The following RNF41 variants were observed in gnomAD, a reference collection of about 807,000 sequenced individuals.
The protein encoded by RNF41 is ring finger protein 41, also known as E3 ubiquitin-protein ligase NRDP1.
Under a neutral mutation model 33.0 loss-of-function variants are expected in RNF41, and 4 were observed. That is an observed-to-expected ratio of 0.12 (90% CI 0.06 to 0.28). The LOEUF (loss-of-function observed/expected upper bound fraction) is 0.28. Ranked by LOEUF, RNF41 falls within the 10% of genes least tolerant of loss-of-function variation. The pLI is 1.00. For synonymous variants in RNF41, 164 were observed against 153.2 expected (o/e 1.07, Z -0.52); for missense variants, 228 against 432.6 (o/e 0.53, Z 4.19).
At chr12:56,212,542 A>C (rs1199712983) in intron 3 of RNF41, among the ~76,000 whole-genome samples, 1 of 152,048 alleles carries the variant, frequency 6.6e-6, no homozygotes, top group East Asian at 1.9e-4. Context: ...AGTGCCAGAA[A>C]ACAGACAAGG....
rs934498604 is a variant in RNF41 at position 56,210,366 on chromosome 12, T to C, written c.293A>G (p.Asn98Ser). The change falls in exon 4 of 7, where the codon AAC (asparagine) becomes AGC (serine). Residue 98 changes from asparagine to serine, a missense_variant. Transcript: ENST00000345093. ...FGCSAVVRLD[N>S]LMSHLSDCEH... ...ACAGTCGCTGAGGTGAGACATGAGG[T>C]TGTCAAGCCGGACAACGGCACTACA... is the stretch of plus-strand genomic sequence containing the variant. 6.2e-7 allele frequency: 1 copy of C among 1,614,014 alleles called. No individual in the cohort carries two copies. Among genetic ancestry groups the C allele is most frequent in the Non-Finnish European group, 8.5e-7 (1 of 1,179,972 alleles).
Position 56,210,499 on chromosome 12 carries a change from G to A in RNF41, c.160C>T (p.Pro54Ser). 6.2e-7 allele frequency: 1 copy of A among 1,614,178 alleles called. No individual in the cohort carries two copies. Among genetic ancestry groups the A allele is most frequent in the Non-Finnish European group, 8.5e-7 (1 of 1,180,032 alleles). The part of the protein sequence containing the change: ...TQWFSQQQTC[P>S]VDRSVVTVAH... ...ACCGTCACAACACTACGGTCCACTG[G>A]ACATGTCTGTTGCTGAGAGAACCAC... Residue 54 changes from proline (P) to serine (S), a missense_variant, in exon 4 of 7, where the codon CCA becomes TCA. Transcript: ENST00000345093.
intron 1 of RNF41, among the ~76,000 whole-genome samples, chr12:56,216,892 G>A (rs1868931224): frequency 6.6e-6 from 1 of 152,208 alleles, no homozygotes. Flanking sequence ...TGTAATCCCA[G>A]CTCTTAGGGA....
Position 56,204,365 on chromosome 12 carries a change from C to A in RNF41, c.*2082G>T, listed in dbSNP as rs574186001. On this transcript the variant is annotated 3_prime_UTR_variant, in exon 7 of 7. Coordinates refer to ENST00000345093, the MANE Select transcript of RNF41 (RefSeq NM_005785.4). ...AAGCAGCTGTGAAGTGCACACTACT[C>A]CCAGACATCCTCCTGAAAGAGAAGT... The A allele has an allele frequency of 1.3e-5, 2 of 152,190 alleles. No individual in the cohort carries two copies. Among genetic ancestry groups the A allele is most frequent in the East Asian group, 3.9e-4 (2 of 5,168 alleles). 9.4% of individuals were successfully genotyped at this position (152,190 alleles called of 1,614,324 possible). A position where few individuals can be genotyped will look rare whatever the true frequency, so the allele number is the denominator to read the frequency against.
chr12:56,219,337 G>T (rs1277255241), intron 1 of RNF41, among the ~76,000 whole-genome samples: 2 of 151,454 alleles, frequency 1.3e-5, no homozygotes, highest in Admixed American at 1.3e-4. Flanking sequence ...GACTACAGGC[G>T]CCCGCCAGGA....
Position 56,206,765 on chromosome 12 carries a change from G to A in RNF41, c.636C>T (p.Thr212=), listed in dbSNP as rs1370677107. The A allele has an allele frequency of 7.4e-6, 12 of 1,613,962 alleles. No individual in the cohort carries two copies. Among genetic ancestry groups the A allele is most frequent in the Admixed American group, 1.7e-5 (1 of 60,002 alleles). ...WVNSLQPARV[T]RWGGMISTPD... ...GAGTCGAGATCATCCCTCCCCAGCG[G>A]GTCACTCTTGCTGGCTGAAGGGAGT... The change falls in exon 7 of 7, where the codon ACC becomes ACT. Residue 212 remains threonine (T), a synonymous_variant. Coordinates refer to ENST00000345093, the MANE Select transcript of RNF41 (RefSeq NM_005785.4). The surrounding 1 kb of genome is among the most constrained non-coding windows in gnomAD (Gnocchi z 5.7).
intron 3 of RNF41, among the ~76,000 whole-genome samples, chr12:56,212,491 A>G (rs981820227): frequency 2.0e-5 from 3 of 152,164 alleles, no homozygotes; most frequent in African/African-American, 7.2e-5. Context: ...ACTGTCACCA[A>G]CTACGACTCA....
intron 1 of RNF41, among the ~76,000 whole-genome samples, chr12:56,221,280 G>C (rs1255024659): frequency 2.6e-5 from 4 of 152,156 alleles, no homozygotes; most frequent in Non-Finnish European, 5.9e-5. Context: ...TGGAGGGCTG[G>C]GAGGGGGTGA....
At chr12:56,219,190 TA>T (rs1251282314) in intron 1 of RNF41, among the ~76,000 whole-genome samples, 1 of 149,786 alleles carries the variant, frequency 6.7e-6, no homozygotes, top group African/African-American at 2.4e-5. Flanking sequence ...TTTATTTATT[TA>T]TTTATTTATT....
At chr12:56,207,563 CCTT>C in intron 6 of RNF41, 80 bp downstream of exon 6, 1 of 1,075,986 alleles carries the variant, frequency 9.3e-7, no homozygotes, top group Non-Finnish European at 1.4e-6. Flanking sequence ...CCAATGCCCT[CCTT>C]CTGCTACTCT....
chr12:56,208,481 C>T, intron 4 of RNF41, 183 bp from the exon 5 acceptor site: 1 of 513,944 alleles, frequency 1.9e-6, no homozygotes, highest in East Asian at 3.0e-5. Context: ...CCTACTTGCC[C>T]CTTTGCTGTC....
chr12:56,216,831 T>G (rs1868922197), intron 1 of RNF41, among the ~76,000 whole-genome samples: 1 of 151,846 alleles, frequency 6.6e-6, no homozygotes, highest in Non-Finnish European at 1.5e-5. Flanking sequence ...TGAACATAGC[T>G]GGGAGGGGGA....
At chr12:56,208,877 T>TG (rs1868332123) in intron 4 of RNF41, among the ~76,000 whole-genome samples, 1 of 149,824 alleles carries the variant, frequency 6.7e-6, no homozygotes, top group Non-Finnish European at 1.5e-5. Flanking sequence ...TTTTTTTTTT[T>TG]TTTCGAGACC....
chr12:56,210,398 C>A lies in RNF41; in HGVS notation c.261G>T (p.Val87=). The A allele has an allele frequency of 6.2e-7, 1 of 1,614,230 alleles. No homozygotes were observed. Among genetic ancestry groups the A allele is most frequent in the Non-Finnish European group, 8.5e-7 (1 of 1,180,040 alleles). The change falls in exon 4 of 7, where the codon GTG becomes GTT. Residue 87 remains valine (V), a synonymous_variant. Transcript: ENST00000345093. The part of the protein sequence containing the change: ...SKLQIACDNA[V]FGCSAVVRLD... ...GCCGGACAACGGCACTACAGCCGAACACAGCGTTGTCACAGGCAATCTGCA... is the reference window on the plus strand; with the variant it reads ...GCCGGACAACGGCACTACAGCCGAAAACAGCGTTGTCACAGGCAATCTGCA...
At chr12:56,218,264 A>G (rs1869057843) in intron 1 of RNF41, among the ~76,000 whole-genome samples, 1 of 151,140 alleles carries the variant, frequency 6.6e-6, no homozygotes, top group African/African-American at 2.4e-5. Flanking sequence ...CACATAAATT[A>G]TTATTATTTT....
rs1474229603 is a variant in RNF41, at chr12:56,208,279, C to T, written c.382G>A (p.Glu128Lys). 2 of 1,614,124 alleles carry T rather than the reference C, an allele frequency of 1.2e-6. No individual in the cohort carries two copies. Among genetic ancestry groups the T allele is most frequent in the Admixed American group, 1.7e-5 (1 of 60,016 alleles). ...TTAATGCAGTTATGGTTGGGCAGCTCATCTTTGGGCATCTCCAGGCTGCAG... is the reference window on the plus strand; with the variant it reads ...TTAATGCAGTTATGGTTGGGCAGCTTATCTTTGGGCATCTCCAGGCTGCAG... ...QGCGLEMPKD[E>K]LPNHNCIKHL... Residue 128 changes from glutamate to lysine, a missense_variant, in exon 5 of 7, where the codon GAG becomes AAG. By Grantham distance (56) the Glu-to-Lys change is moderately conservative. This residue lies in a region of RNF41 where 199 missense variants were observed against 334.6 expected (regional missense o/e 0.59). Coordinates refer to ENST00000345093, the MANE Select transcript of RNF41 (RefSeq NM_005785.4).
chr12:56,206,621 G>T lies in RNF41; in HGVS notation c.780C>A (p.Ala260=). ...AHERSWPQGL[A]TLETRQMNRR... ...GGTTCATCTGTCTAGTCTCTAGTGTGGCCAGACCCTGGGGCCAGCTACGCT... is the reference window on the plus strand; with the variant it reads ...GGTTCATCTGTCTAGTCTCTAGTGTTGCCAGACCCTGGGGCCAGCTACGCT... Residue 260 remains alanine (A), a synonymous_variant, in exon 7 of 7, where the codon GCC becomes GCA. Coordinates refer to ENST00000345093, the MANE Select transcript of RNF41 (RefSeq NM_005785.4). The surrounding 1 kb of genome is among the most constrained non-coding windows in gnomAD (Gnocchi z 5.7). 6.2e-7 allele frequency: 1 copy of T among 1,614,128 alleles called. No homozygotes were observed. Among genetic ancestry groups the T allele is most frequent in the East Asian group, 2.2e-5 (1 of 44,886 alleles).
intron 2 of RNF41, among the ~76,000 whole-genome samples, chr12:56,215,762 TCAAA>T (rs1868842690): frequency 6.9e-6 from 1 of 144,932 alleles, no homozygotes; most frequent in South Asian, 2.2e-4. Context: ...GAGCAAGGAC[TCAAA>T]CAGCGGCAAT....
upstream of RNF41, chr12:56,221,947 GC>G (rs2135823882): frequency 2.6e-5 from 4 of 152,486 alleles, no homozygotes; most frequent in South Asian, 8.3e-4. Context: ...GCCCACCGCT[GC>G]TACGCAACCC....
Sources: allele counts gnomAD v4.1 joint callset (sites outside exome capture counted in the v4.1 genomes callset), GRCh38; gene constraint gnomAD v4.1.1; regional missense constraint gnomAD v4.1.1; non-coding constraint Gnocchi (gnomAD v3.1); transcripts MANE v1.5; gene names NCBI Gene and HGNC (gene_info 2026-07-23, HGNC 2026-07-21).